ADAM22: variants seen among roughly 807,000 people sequenced by gnomAD.
ADAM22 encodes ADAM metallopeptidase domain 22.
Under a neutral mutation model 144.6 loss-of-function variants are expected in ADAM22, and 65 were observed. The observed-to-expected ratio is 0.45, with a 90% CI of 0.37 to 0.55. The LOEUF is 0.55. Ranked by LOEUF, ADAM22 falls within the 20% of genes least tolerant of loss-of-function variation. The probability of loss-of-function intolerance (pLI) is 0.00; values close to 1 mark genes in which losing one functional copy is unlikely to be tolerated. For synonymous variants in ADAM22, 391 were observed against 412.6 expected (o/e 0.95, Z 0.63); for missense variants, 974 against 1,184.9 (o/e 0.82, Z 2.61).
intron 3 of ADAM22, among the ~76,000 whole-genome samples, chr7:87,989,979 TTGAG>T (rs1350585107): frequency 6.6e-6 from 1 of 152,320 alleles, no homozygotes; most frequent in African/African-American, 2.4e-5. Flanking sequence ...TGATAGTTAC[TTGAG>T]TAACTTGAAG....
chr7:88,139,653 A>C (rs537927898), intron 14 of ADAM22, among the ~76,000 whole-genome samples: 1 of 152,250 alleles, frequency 6.6e-6, no homozygotes, highest in South Asian at 2.1e-4. Flanking sequence ...TATCATAACC[A>C]AGGAAGATTA....
At chr7:88,077,272 C>T (rs1213764672) in intron 4 of ADAM22, among the ~76,000 whole-genome samples, 3 of 152,064 alleles carry the variant, frequency 2.0e-5, no homozygotes, top group Admixed American at 2.0e-4. Context: ...TTGAGTTTTT[C>T]CATTACATAT....
chr7:88,164,173 T>C (rs1842419956), intron 23 of ADAM22, among the ~76,000 whole-genome samples: 1 of 152,110 alleles, frequency 6.6e-6, no homozygotes, highest in South Asian at 2.1e-4. Flanking sequence ...TCTAAGAGGA[T>C]GTTAGGGGAT....
At chr7:87,942,590 A>T (rs750818888) in intron 2 of ADAM22, among the ~76,000 whole-genome samples, 34 of 152,218 alleles carry the variant, frequency 2.2e-4, no homozygotes, top group Non-Finnish European at 1.2e-4. Context: ...TACATTTTAA[A>T]GTTAGACAAT....
At chr7:88,113,211 T>C (rs951152883) in intron 5 of ADAM22, among the ~76,000 whole-genome samples, 4 of 150,332 alleles carry the variant, frequency 2.7e-5, no homozygotes, top group Non-Finnish European at 5.9e-5. Context: ...TTTTTCCAGT[T>C]GCTCAGGTCA....
intron 14 of ADAM22, among the ~76,000 whole-genome samples, chr7:88,141,605 G>A (rs1376873425): frequency 2.0e-5 from 3 of 151,756 alleles, no homozygotes; most frequent in African/African-American, 7.3e-5. Flanking sequence ...AATCTTGGTG[G>A]CTTTTCTCCA....
Position 88,132,858 on chromosome 7 carries a change from T to G in ADAM22, c.993-9T>G, listed in dbSNP as rs1045156870. ...AACAGTAAGCATTTTTCATTTCCTT[T>G]TCTAAAAGGGGAAGTCAATTTGAGA... On this transcript the variant is annotated splice_polypyrimidine_tract_variant and intron_variant, in intron 11 of 31. Transcript: ENST00000413139. The G allele has an allele frequency of 1.9e-6, 3 of 1,613,116 alleles. No homozygotes were observed. The highest frequency in any genetic ancestry group is 2.7e-5 in the African/African-American group (2 of 74,870).
In ADAM22 at chr7:88,042,973, C is replaced by T. The variant is rs997440585; in HGVS notation, c.324-32653C>T. Among the ~76,000 whole-genome samples the T allele has an allele frequency of 4.9e-4, 74 of 151,540 alleles. 1 individual carries two copies. Among genetic ancestry groups the T allele is most frequent in the African/African-American group, 1.7e-3 (71 of 41,380 alleles). On this transcript the variant is annotated intron_variant, in intron 3 of 31. Coordinates refer to ENST00000413139, the MANE Select transcript of ADAM22 (RefSeq NM_001324418.2). The stretch of plus-strand genomic sequence containing the variant: ...GCTGTAAAAGAAGAAAAAGTTGCTT[C>T]TGGTAGCAAGAAGGTGGATGACACA...
At chr7:88,186,861 G>C (rs113101216) in intron 30 of ADAM22, among the ~76,000 whole-genome samples, 160 bp downstream of exon 30, 1 of 152,034 alleles carries the variant, frequency 6.6e-6, no homozygotes, top group Non-Finnish European at 1.5e-5. Context: ...TTTTTGCTTC[G>C]TGAGCAAGTC....
intron 3 of ADAM22, among the ~76,000 whole-genome samples, chr7:88,007,921 C>G (rs977919718): frequency 4.6e-5 from 7 of 152,144 alleles, no homozygotes. Flanking sequence ...AACTAAAGAG[C>G]TTCTGCACAG....
chr7:88,134,480 G>C, intron 13 of ADAM22, 61 bp downstream of exon 13: 1 of 1,341,618 alleles, frequency 7.5e-7, no homozygotes, highest in Non-Finnish European at 1.0e-6. Flanking sequence ...GAAATATTTT[G>C]GAGAGTAAAA....
chr7:88,202,191 A>T lies in ADAM22; in HGVS notation c.*5700A>T, dbSNP rs953781129. On this transcript the variant is annotated 3_prime_UTR_variant, in exon 32 of 32. Transcript: ENST00000413139. ...CCAGTCTTTTTAAAGGGCAAAAATGACTCAACACCTTTGTTTTGTATGGAA... is the reference window on the plus strand; with the variant it reads ...CCAGTCTTTTTAAAGGGCAAAAATGTCTCAACACCTTTGTTTTGTATGGAA... 3 of 152,114 alleles carry T rather than the reference A, an allele frequency of 2.0e-5. No individual in the cohort carries two copies. Among genetic ancestry groups the T allele is most frequent in the African/African-American group, 7.2e-5 (3 of 41,414 alleles). The allele number at this position is 152,114 out of a possible 1,614,324, so 9.4% of individuals were successfully genotyped here.
intron 1 of ADAM22, 187 bp downstream of exon 1, chr7:87,934,737 G>A: frequency 1.5e-6 from 1 of 651,952 alleles, no homozygotes; most frequent in South Asian, 2.0e-5. Context: ...GCGCGCAGAT[G>A]CACTGGAAGC....
chr7:88,039,690 C>T (rs2024019), intron 3 of ADAM22, among the ~76,000 whole-genome samples: 64,061 of 149,224 alleles, frequency 0.43, 14,713 homozygotes, highest in East Asian at 0.6. Context: ...GCATTTATTA[C>T]GTATCTAAAA....
At chr7:88,071,391 ATTTTTT>A (rs71297113) in intron 3 of ADAM22, among the ~76,000 whole-genome samples, 1 of 126,042 alleles carries the variant, frequency 7.9e-6, no homozygotes, top group African/African-American at 3.0e-5. Context: ...TTATGAAGTG[ATTTTTT>A]TTTTTTTTTT....
chr7:88,063,234 A>G (rs931143296), intron 3 of ADAM22, among the ~76,000 whole-genome samples: 1 of 152,248 alleles, frequency 6.6e-6, no homozygotes, highest in Non-Finnish European at 1.5e-5. Context: ...GCCTGTATTC[A>G]AAGAGATAAC....
rs983627821 is a variant in ADAM22, at chr7:87,934,334, C to G, written c.-132C>G. 1.2e-5 allele frequency: 9 copies of G among 752,760 alleles called. No individual in the cohort carries two copies. In the African/African-American group the frequency reaches 1.5e-4, roughly 13 times the overall value. 46.6% of individuals were successfully genotyped at this position (752,760 alleles called of 1,614,324 possible). A position where few individuals can be genotyped will look rare whatever the true frequency, so the allele number is the denominator to read the frequency against. On this transcript the variant is annotated 5_prime_UTR_variant, in exon 1 of 32. Coordinates refer to ENST00000413139, the MANE Select transcript of ADAM22 (RefSeq NM_001324418.2). ...GCGGTGGAGGTTGCAGCGCCACGGC[C>G]GCCGCAGCACCGGCCGGGGCTGGGT... is the stretch of plus-strand genomic sequence containing the variant.
chr7:88,150,836 G>T, intron 18 of ADAM22, 145 bp from the exon 19 acceptor site: 1 of 576,428 alleles, frequency 1.7e-6, no homozygotes, highest in Non-Finnish European at 3.0e-6. Flanking sequence ...ACTTGCTCTT[G>T]ACCTCCTTTG....
At chr7:88,174,201 T>G (rs1845057673) in intron 26 of ADAM22, among the ~76,000 whole-genome samples, 1 of 152,162 alleles carries the variant, frequency 6.6e-6, no homozygotes, top group Non-Finnish European at 1.5e-5. Flanking sequence ...GTTTTCAGTA[T>G]AGAGAAGGAT....
Sources: allele counts gnomAD v4.1 joint callset (sites outside exome capture counted in the v4.1 genomes callset), GRCh38; gene constraint gnomAD v4.1.1; transcripts MANE v1.5; gene names NCBI Gene and HGNC (gene_info 2026-07-23, HGNC 2026-07-21).